Variants in LDHC observed in about 807,000 individuals in gnomAD.
The protein encoded by LDHC is lactate dehydrogenase C.
In LDHC, 20 loss-of-function variants were observed where a neutral mutation model predicts 30.2. The observed-to-expected ratio is 0.66, with a 90% confidence interval of 0.47 to 0.96. The LOEUF (loss-of-function observed/expected upper bound fraction) is 0.96. LDHC is among the 40% of genes least tolerant of loss of function. LDHC has a pLI of 0.00. For synonymous variants in LDHC, 139 were observed against 132.7 expected (o/e 1.05, Z -0.32); for missense variants, 362 against 394.9 (o/e 0.92, Z 0.71).
At position 18,440,858 on chromosome 11, in the gene LDHC, G is replaced by A. The variant is rs372396426; in HGVS notation, c.710+2213G>A. 3.3e-5 allele frequency among the ~76,000 whole-genome samples: 5 copies of A among 151,418 alleles called. No homozygotes were observed. The South Asian group carries it at 1.0e-3, about 32-fold the overall frequency. On this transcript the variant is annotated intron_variant, in intron 6 of 7. Transcript: ENST00000541669. ...GCAGGAAGATCACTTGAGCCCAGGCGTTTTAGGCTCAACTCAAACTCGCAG... is the reference window on the plus strand; with the variant it reads ...GCAGGAAGATCACTTGAGCCCAGGCATTTTAGGCTCAACTCAAACTCGCAG...
At chr11:18,428,305 G>A (rs1365437700) in intron 3 of LDHC, among the ~76,000 whole-genome samples, 1 of 144,654 alleles carries the variant, frequency 6.9e-6, no homozygotes, top group African/African-American at 2.6e-5. Context: ...CTGAGTAGCT[G>A]GGATTAAGAT....
At position 18,450,983 on chromosome 11, in the gene LDHC, A is replaced by C. The variant is rs770926658; in HGVS notation, c.855A>C (p.Glu285Asp). ...TTCAGGGATTATATGGAATAAAAGA[A>C]GAACTCTTTCTCAGTATCCCTTGTG... The part of the protein sequence containing the change: ...TMVKGLYGIK[E>D]ELFLSIPCVL... The change falls in exon 8 of 8, where the codon GAA becomes GAC. Residue 285 changes from glutamate to aspartate, a missense_variant. Physicochemically the swap from Glu to Asp is conservative, Grantham distance 45. Transcript: ENST00000541669. 6.3e-7 allele frequency: 1 copy of C among 1,589,750 alleles called. No homozygotes were observed. The highest frequency in any genetic ancestry group is 8.5e-7 in the Non-Finnish European group (1 of 1,172,316).
chr11:18,426,147 C>G (rs1448018115), intron 3 of LDHC, among the ~76,000 whole-genome samples: 1 of 151,874 alleles, frequency 6.6e-6, no homozygotes, highest in Non-Finnish European at 1.5e-5. Flanking sequence ...TCCTAAGTAG[C>G]TGGGACTACT....
chr11:18,441,457 C>G (rs767760811), intron 6 of LDHC, among the ~76,000 whole-genome samples: 2 of 151,756 alleles, frequency 1.3e-5, no homozygotes, highest in African/African-American at 2.4e-5. Context: ...TACAAGCACG[C>G]GCCACCATGC....
chr11:18,426,825 A>G (rs1848168893), intron 3 of LDHC, among the ~76,000 whole-genome samples: 1 of 152,140 alleles, frequency 6.6e-6, no homozygotes, highest in Non-Finnish European at 1.5e-5. Flanking sequence ...GATCCTGTTA[A>G]TGCCATCATT....
intron 5 of LDHC, 25 bp downstream of exon 5, chr11:18,434,938 C>G: frequency 2.7e-6 from 4 of 1,494,082 alleles, no homozygotes; most frequent in Non-Finnish European, 3.7e-6. Flanking sequence ...ATTATTATTA[C>G]GTGACTACCC....
At chr11:18,422,264 C>T (rs1848074622) in intron 3 of LDHC, among the ~76,000 whole-genome samples, 1 of 89,336 alleles carries the variant, frequency 1.1e-5, no homozygotes, top group Non-Finnish European at 2.7e-5. Context: ...AGTTAGTAAT[C>T]AGAAATCAAG....
At chr11:18,446,469 G>C (rs879214647) in intron 7 of LDHC, 136 bp downstream of exon 7, 5 of 655,436 alleles carry the variant, frequency 7.6e-6, no homozygotes, top group Middle Eastern at 4.0e-4. Flanking sequence ...CCTCAGGTCA[G>C]GTCAAAAAAA....
Position 18,415,263 on chromosome 11 carries a change from G to C in LDHC, c.206G>C (p.Ser69Thr). 6.2e-7 allele frequency: 1 copy of C among 1,604,792 alleles called. No individual in the cohort carries two copies. The highest frequency in any genetic ancestry group is 8.5e-7 in the Non-Finnish European group (1 of 1,172,190). The change falls in exon 3 of 8, where the codon AGT becomes ACT. Residue 69 changes from serine to threonine, a missense_variant. Coordinates refer to ENST00000541669, the MANE Select transcript of LDHC (RefSeq NM_017448.5). The stretch of plus-strand genomic sequence containing the variant: ...GAAATGATGGATCTTCAGCATGGCA[G>C]TCTTTTCTTTAGTACTTCAAAGATT... Reference protein sequence around the residue: ...KGEMMDLQHGSLFFSTSKITS... With the variant: ...KGEMMDLQHGTLFFSTSKITS...
At chr11:18,447,468 AAGG>A (rs1313367564) in intron 7 of LDHC, among the ~76,000 whole-genome samples, 1 of 152,112 alleles carries the variant, frequency 6.6e-6, no homozygotes, top group Non-Finnish European at 1.5e-5. Flanking sequence ...GAGATAGTGA[AAGG>A]AGTAGGATAA....
At position 18,446,485 on chromosome 11, in the gene LDHC, A is replaced by G. The variant is rs1590236950; in HGVS notation, c.834+152A>G. ...CTCAGGTCAGGTCAAAAAAATACAGATACCTTGACCTAAGGAAGGGAATCC... is the reference window on the plus strand; with the variant it reads ...CTCAGGTCAGGTCAAAAAAATACAGGTACCTTGACCTAAGGAAGGGAATCC... On this transcript the variant is annotated intron_variant, in intron 7 of 7. Transcript: ENST00000541669. The G allele has an allele frequency of 8.3e-6, 5 of 604,728 alleles. No individual in the cohort carries two copies. The East Asian group carries it at 1.5e-4, about 18-fold the overall frequency. 37.5% of individuals were successfully genotyped at this position (604,728 alleles called of 1,614,324 possible). A position where few individuals can be genotyped will look rare whatever the true frequency, so the allele number is the denominator to read the frequency against.
At chr11:18,439,712 C>T (rs1044529665) in intron 6 of LDHC, among the ~76,000 whole-genome samples, 5 of 149,838 alleles carry the variant, frequency 3.3e-5, no homozygotes, top group African/African-American at 9.8e-5. Flanking sequence ...TGGTGGCTCA[C>T]GCCTATAATC....
chr11:18,447,646 A>G (rs532574154), intron 7 of LDHC, among the ~76,000 whole-genome samples: 3 of 152,208 alleles, frequency 2.0e-5, no homozygotes. Context: ...TGTGAATGAG[A>G]TTGAATAACT....
At chr11:18,412,575 C>T in intron 1 of LDHC, 134 bp from the exon 2 acceptor site, 1 of 778,232 alleles carries the variant, frequency 1.3e-6, no homozygotes, top group Non-Finnish European at 2.0e-6. Context: ...GCTTTACCCT[C>T]CCCGCATCCT....
chr11:18,417,901 T>C (rs1867052464), intron 3 of LDHC, among the ~76,000 whole-genome samples: 1 of 152,098 alleles, frequency 6.6e-6, no homozygotes, highest in South Asian at 2.1e-4. Flanking sequence ...AGACCCTGTC[T>C]CCATTGTGCC....
At chr11:18,434,077 C>G in intron 4 of LDHC, among the ~76,000 whole-genome samples, 1 of 152,050 alleles carries the variant, frequency 6.6e-6, no homozygotes, top group East Asian at 1.9e-4. Flanking sequence ...TTTCTTTCTT[C>G]TACTTGTTCA....
At chr11:18,432,561 A>C (rs1848286376) in intron 4 of LDHC, among the ~76,000 whole-genome samples, 1 of 147,896 alleles carries the variant, frequency 6.8e-6, no homozygotes, top group African/African-American at 2.5e-5. Context: ...TCAGCGGAGT[A>C]TTGAAGTCCC....
chr11:18,412,689 A>G lies in LDHC; in HGVS notation c.-9-20A>G, dbSNP rs772193412. The G allele has an allele frequency of 6.2e-7, 1 of 1,605,278 alleles. No homozygotes were observed. The highest frequency in any genetic ancestry group is 1.1e-5 in the South Asian group (1 of 90,216). ...ATGTTCAGTGTGGTTAATCCAATGA[A>G]ATTGCATTATCCCTATCAGGTTCTC... On this transcript the variant is annotated intron_variant, in intron 1 of 7. Transcript: ENST00000541669.
At chr11:18,438,720 T>C (rs1332615320) in intron 6 of LDHC, 75 bp downstream of exon 6, 6 of 734,370 alleles carry the variant, frequency 8.2e-6, no homozygotes, top group Non-Finnish European at 1.4e-5. Flanking sequence ...AAAAATCAAG[T>C]AGTTGATCCT....
Sources: allele counts gnomAD v4.1 joint callset (sites outside exome capture counted in the v4.1 genomes callset), GRCh38; gene constraint gnomAD v4.1.1; transcripts MANE v1.5; gene names NCBI Gene and HGNC (gene_info 2026-07-23, HGNC 2026-07-21).